Variants in OTOP3 observed in about 807,000 individuals in gnomAD.
OTOP3 encodes the protein otopetrin 3, also known as proton channel OTOP3.
In OTOP3, 41 loss-of-function variants were observed where a neutral mutation model predicts 50.8. That is an observed-to-expected ratio of 0.81 (90% CI 0.63 to 1.05). The LOEUF (loss-of-function observed/expected upper bound fraction) is 1.05, where lower values mean the gene tolerates loss of function less well. Among genes scored for constraint, OTOP3 ranks in the 50% least tolerant of loss-of-function variants. The pLI, the probability that OTOP3 is intolerant of heterozygous loss-of-function variation, is 0.00. For missense variants in OTOP3, 788 were observed against 760.8 expected, an observed-to-expected ratio of 1.04 and a Z score of -0.42; for synonymous variants, 320 against 324.4, an observed-to-expected ratio of 0.99 and a Z score of 0.14.
At chr17:74,946,248 G>A (rs1472865478) in intron 5 of OTOP3, among the ~76,000 whole-genome samples, 1 of 152,154 alleles carries the variant, frequency 6.6e-6, no homozygotes, top group Non-Finnish European at 1.5e-5. Flanking sequence ...AAAGTGTTGG[G>A]ATTACAGGCA....
intron 1 of OTOP3, among the ~76,000 whole-genome samples, chr17:74,938,322 G>A (rs1407925235): frequency 6.6e-6 from 1 of 151,984 alleles, no homozygotes; most frequent in Non-Finnish European, 1.5e-5. Flanking sequence ...CACGTCTGAA[G>A]CTCCTGAAGC....
In OTOP3 at chr17:74,943,276, T is replaced by G. The variant is rs1477808131; in HGVS notation, c.574-10T>G. On this transcript the variant is annotated splice_polypyrimidine_tract_variant and intron_variant, in intron 3 of 6. Coordinates refer to ENST00000328801, the MANE Select transcript of OTOP3 (RefSeq NM_001272005.2). ...ACCAGCCCCTGGGCTCAAGGCCCTG[T>G]CTCTTTCAGACCTGGGTGCTCTGGA... 6.2e-7 allele frequency: 1 copy of G among 1,614,122 alleles called. No individual in the cohort carries two copies. The highest frequency in any genetic ancestry group is 1.7e-5 in the Admixed American group (1 of 60,018).
In OTOP3 at chr17:74,949,467, A is replaced by G; in HGVS notation, c.*51A>G. The G allele has an allele frequency of 1.3e-6, 2 of 1,593,440 alleles. No homozygotes were observed. The highest frequency in any genetic ancestry group is 2.3e-4 in the Middle Eastern group (1 of 4,398). ...GAAGTGCCAAGGTGGGGAAGATGGTAGCCCAGAGTCTCTGAGCAGATGCCT... is the reference window on the plus strand; with the variant it reads ...GAAGTGCCAAGGTGGGGAAGATGGTGGCCCAGAGTCTCTGAGCAGATGCCT... On this transcript the variant is annotated 3_prime_UTR_variant, in exon 7 of 7. Transcript: ENST00000328801.
intron 5 of OTOP3, among the ~76,000 whole-genome samples, chr17:74,946,102 C>G (rs914826114): frequency 6.6e-6 from 1 of 152,250 alleles, no homozygotes. Context: ...CTCAGCCTCC[C>G]GAGTAGCTGG....
At chr17:74,942,926 C>A (rs760634184) in intron 3 of OTOP3, among the ~76,000 whole-genome samples, 15 of 152,188 alleles carry the variant, frequency 9.9e-5, no homozygotes, top group Non-Finnish European at 2.1e-4. Flanking sequence ...GCCTGGGCGA[C>A]AGAGCGAGAC....
rs374312825 is a variant in OTOP3 at position 74,941,857 on chromosome 17, C to G, written c.437-44C>G. 4 of 1,589,620 alleles carry G rather than the reference C, an allele frequency of 2.5e-6. No individual in the cohort carries two copies. In the African/African-American group the frequency reaches 5.4e-5, roughly 21 times the overall value. On this transcript the variant is annotated intron_variant, in intron 2 of 6. Transcript: ENST00000328801. Reference sequence around the variant, plus strand: ...GCTGGGCAGGGGTGGGGAGGGAGAGCCGGTTCCGCGCAGGTGCCAACGCCC... The same window carrying G: ...GCTGGGCAGGGGTGGGGAGGGAGAGGCGGTTCCGCGCAGGTGCCAACGCCC...
chr17:74,948,394 C>T (rs1408141054), intron 6 of OTOP3, among the ~76,000 whole-genome samples: 1 of 152,162 alleles, frequency 6.6e-6, no homozygotes, highest in Non-Finnish European at 1.5e-5. Context: ...GGCACGGTGG[C>T]TCACGCCTGT....
In OTOP3 at chr17:74,946,843, G is replaced by C. The variant is rs569900376; in HGVS notation, c.934G>C (p.Ala312Pro). The change falls in exon 6 of 7, where the codon GCA (alanine) becomes CCA (proline). Residue 312 changes from alanine to proline, a missense_variant. Physicochemically the swap from Ala to Pro is conservative, Grantham distance 27 (BLOSUM62 -1). Coordinates refer to ENST00000328801, the MANE Select transcript of OTOP3 (RefSeq NM_001272005.2). Reference sequence around the variant, plus strand: ...CCACATGGGTGCCCACCCTGCCACCGCACCCTTCCACCTGCACGGGGCCAT... The same window carrying C: ...CCACATGGGTGCCCACCCTGCCACCCCACCCTTCCACCTGCACGGGGCCAT... ...APHMGAHPAT[A>P]PFHLHGAIFG... 6 of 1,610,686 alleles carry C rather than the reference G, an allele frequency of 3.7e-6. No homozygotes were observed. The highest frequency in any genetic ancestry group is 1.6e-4 in the Middle Eastern group (1 of 6,062).
At position 74,946,871 on chromosome 17, in the gene OTOP3, T is replaced by A; in HGVS notation, c.962T>A (p.Phe321Tyr). The change falls in exon 6 of 7, where the codon TTC becomes TAC. Residue 321 changes from phenylalanine (F) to tyrosine (Y), a missense_variant. Coordinates refer to ENST00000328801, the MANE Select transcript of OTOP3 (RefSeq NM_001272005.2). Reference protein sequence around the residue: ...TAPFHLHGAIFGPLLGLLVLL... With the variant: ...TAPFHLHGAIYGPLLGLLVLL... ...CCCTTCCACCTGCACGGGGCCATCTTCGGGCCGCTGCTGGGCCTGCTGGTG... is the reference window on the plus strand; with the variant it reads ...CCCTTCCACCTGCACGGGGCCATCTACGGGCCGCTGCTGGGCCTGCTGGTG... The A allele has an allele frequency of 6.2e-7, 1 of 1,610,904 alleles. No homozygotes were observed. Among genetic ancestry groups the A allele is most frequent in the Non-Finnish European group, 8.5e-7 (1 of 1,179,990 alleles).
At chr17:74,943,252 C>G in intron 3 of OTOP3, 34 bp from the exon 4 acceptor site, 1 of 1,607,488 alleles carries the variant, frequency 6.2e-7, no homozygotes, top group South Asian at 1.1e-5. Context: ...ACCACCTCCA[C>G]CAGCCCCTGG....
In OTOP3 at chr17:74,947,382, C is replaced by G. The variant is rs2039239849; in HGVS notation, c.1473C>G (p.Ala491=). 1 of 1,613,140 alleles carries G rather than the reference C, an allele frequency of 6.2e-7. No individual in the cohort carries two copies. Among genetic ancestry groups the G allele is most frequent in the South Asian group, 1.1e-5 (1 of 91,080 alleles). The part of the protein sequence containing the change: ...LLELGQGLQR[A]SLAYIHSYSH... The stretch of plus-strand genomic sequence containing the variant: ...AGCTGGGCCAGGGCCTGCAGCGGGC[C>G]TCACTGGCCTACATCCACTCCTACA... Residue 491 remains alanine, a synonymous_variant, in exon 6 of 7, where the codon GCC becomes GCG. Transcript: ENST00000328801.
In OTOP3 at chr17:74,947,090, G is replaced by T. The variant is rs374034918; in HGVS notation, c.1181G>T (p.Arg394Leu). The T allele has an allele frequency of 1.9e-6, 3 of 1,614,094 alleles. No individual in the cohort carries two copies. The highest frequency in any genetic ancestry group is 2.5e-6 in the Non-Finnish European group (3 of 1,180,044). The change falls in exon 6 of 7, where the codon CGC (arginine) becomes CTC (leucine). Residue 394 changes from arginine (R) to leucine (L), a missense_variant. Coordinates refer to ENST00000328801, the MANE Select transcript of OTOP3 (RefSeq NM_001272005.2). ...CTGGACACGGTCAAGAACCCTACCC[G>T]CAGCCTGGATGTGGTGCTGCTAATG... is the stretch of plus-strand genomic sequence containing the variant. ...RELDTVKNPT[R>L]SLDVVLLMGA...
chr17:74,941,344 A>G (rs2039169881), intron 1 of OTOP3, 49 bp from the exon 2 acceptor site: 1 of 1,444,192 alleles, frequency 6.9e-7, no homozygotes, highest in South Asian at 1.5e-5. Context: ...CGTGGACTTG[A>G]ACCCAGGACA....
chr17:74,949,552 A>G lies in OTOP3; in HGVS notation c.*136A>G. On this transcript the variant is annotated 3_prime_UTR_variant, in exon 7 of 7. Coordinates refer to ENST00000328801, the MANE Select transcript of OTOP3 (RefSeq NM_001272005.2). ...AAGGCCTCCTGCTCCCCAGAGCCTC[A>G]CTGAAGGGGAGGGCACTGCCTAGAG... is the stretch of plus-strand genomic sequence containing the variant. 3 of 1,028,542 alleles carry G rather than the reference A, an allele frequency of 2.9e-6. No homozygotes were observed. The South Asian group carries it at 5.0e-5, about 17-fold the overall frequency. The allele number at this position is 1,028,542 out of a possible 1,614,324, so 63.7% of individuals were successfully genotyped here.
chr17:74,946,952 C>A lies in OTOP3; in HGVS notation c.1043C>A (p.Ala348Asp), dbSNP rs1215985496. 1.2e-6 allele frequency: 2 copies of A among 1,613,252 alleles called. No individual in the cohort carries two copies. The highest frequency in any genetic ancestry group is 2.7e-5 in the African/African-American group (2 of 74,958). ...TTCCAAATCGAGGCCAGTGGCCCTG[C>A]CATTGCTTGCCAGTACTTCACCCTC... ...VLFQIEASGP[A>D]IACQYFTLYY... is the part of the protein sequence containing the mutation. Residue 348 changes from alanine to aspartate, a missense_variant, in exon 6 of 7, where the codon GCC becomes GAC. By Grantham distance (126) the Ala-to-Asp change is moderately radical (BLOSUM62 -2). Transcript: ENST00000328801.
Position 74,941,718 on chromosome 17 carries a change from G to A in OTOP3, c.345G>A (p.Leu115=), listed in dbSNP as rs1036719987. 1 of 1,614,000 alleles carries A rather than the reference G, an allele frequency of 6.2e-7. No individual in the cohort carries two copies. The highest frequency in any genetic ancestry group is 1.3e-5 in the African/African-American group (1 of 74,904). Residue 115 remains leucine (L), a synonymous_variant, in exon 2 of 7, where the codon CTG becomes CTA. Transcript: ENST00000328801. The stretch of plus-strand genomic sequence containing the variant: ...TGGCCACGCTGAAGGTCCTCTCCCT[G>A]CTTTGGCTTCTCTACTATGTGGCAA... ...ILLATLKVLS[L]LWLLYYVAST... is the part of the protein sequence containing the mutation.
At position 74,941,769 on chromosome 17, in the gene OTOP3, G is replaced by A. The variant is rs1337841854; in HGVS notation, c.396G>A (p.Val132=). The change falls in exon 2 of 7, where the codon GTG becomes GTA. Residue 132 remains valine (V), a synonymous_variant. Transcript: ENST00000328801. ...VASTTRRPHA[V]LYQDPHAGPL... is the part of the protein sequence containing the mutation. ...GCACCACCCGCCGACCACACGCCGT[G>A]CTCTACCAAGATCCCCACGCGGGGC... is the stretch of plus-strand genomic sequence containing the variant. The A allele has an allele frequency of 1.2e-6, 2 of 1,613,666 alleles. No homozygotes were observed. Among genetic ancestry groups the A allele is most frequent in the Non-Finnish European group, 1.7e-6 (2 of 1,179,864 alleles).
intron 1 of OTOP3, among the ~76,000 whole-genome samples, chr17:74,939,751 G>T (rs964823962): frequency 2.0e-5 from 3 of 152,034 alleles, no homozygotes; most frequent in Non-Finnish European, 2.9e-5. Flanking sequence ...GTGGGGGGAG[G>T]GGCACAGAAA....
At chr17:74,938,412 G>A (rs762347853) in intron 1 of OTOP3, among the ~76,000 whole-genome samples, 2 of 152,130 alleles carry the variant, frequency 1.3e-5, no homozygotes, top group Admixed American at 6.5e-5. Context: ...GGGGTGAGGT[G>A]GGAATGCTGA....
Sources: gnomAD v4.1 joint callset for allele counts (sites outside exome capture counted in the v4.1 genomes callset) on GRCh38, gnomAD v4.1.1 for gene constraint, MANE v1.5 for transcripts, NCBI Gene and HGNC (gene_info 2026-07-23, HGNC 2026-07-21) for gene names.